TRPS1: variants seen among roughly 807,000 people sequenced by gnomAD.
TRPS1 encodes transcriptional repressor GATA binding 1.
TRPS1 carries 6 observed loss-of-function variants against 101.2 expected under a neutral mutation model. The observed-to-expected ratio is 0.06, with a 90% confidence interval of 0.03 to 0.12. The LOEUF is 0.12. Among genes scored for constraint, TRPS1 ranks in the 10% least tolerant of loss-of-function variants. The pLI is 1.00. For synonymous variants in TRPS1, 578 were observed against 589.8 expected (o/e 0.98, Z 0.29); for missense variants, 1,363 against 1,567.0 (o/e 0.87, Z 2.20).
At chr8:115,493,633 G>A (rs1815082352) in intron 5 of TRPS1, among the ~76,000 whole-genome samples, 1 of 152,116 alleles carries the variant, frequency 6.6e-6, no homozygotes, top group African/African-American at 2.4e-5. Context: ...ACAGACGTGA[G>A]CCACCACGCC....
chr8:115,415,634 T>C (rs1326062080), intron 6 of TRPS1, among the ~76,000 whole-genome samples: 5 of 152,110 alleles, frequency 3.3e-5, no homozygotes, highest in African/African-American at 1.2e-4. Context: ...GGTGGGGCCC[T>C]AATCCAATGG....
At chr8:115,545,701 T>C (rs1192333793) in intron 5 of TRPS1, among the ~76,000 whole-genome samples, 1 of 152,138 alleles carries the variant, frequency 6.6e-6, no homozygotes, top group East Asian at 1.9e-4. Flanking sequence ...AAGATCCAAT[T>C]CAGATTTATG....
rs146130944 is a variant in TRPS1, at chr8:115,658,569, T to G, written c.-122+9976A>C. On this transcript the variant is annotated intron_variant, in intron 1 of 6. Transcript: ENST00000395715. ...GCTAATACTACTATCTACCCCCAGT[T>G]CTCCAGCTCTAATCATTATTACTCT... Among the ~76,000 whole-genome samples the G allele has an allele frequency of 1.8e-3, 271 of 152,208 alleles. 2 individuals are homozygous for G. The highest frequency in any genetic ancestry group is 6.3e-3 in the African/African-American group (261 of 41,560).
intron 5 of TRPS1, among the ~76,000 whole-genome samples, chr8:115,485,011 A>G (rs918289289): frequency 6.6e-6 from 1 of 152,206 alleles, no homozygotes; most frequent in Non-Finnish European, 1.5e-5. Context: ...TTATTCAATA[A>G]CACTGATCTA....
intron 5 of TRPS1, among the ~76,000 whole-genome samples, chr8:115,493,907 G>T (rs800881): frequency 0.31 from 47,807 of 151,942 alleles, 9,139 homozygotes; most frequent in Non-Finnish European, 0.45. Context: ...TATTTTACTG[G>T]AAAGAAAACA....
chr8:115,418,566 A>G lies in TRPS1; in HGVS notation c.2701-114T>C. On this transcript the variant is annotated intron_variant, in intron 5 of 6. Transcript: ENST00000395715. The surrounding 1 kb of genome is among the most constrained non-coding windows in gnomAD (Gnocchi z 4.3). ...CTAGCAACAATGACAGTATAAAACCACACTGCCCATAATGAGGTCAGGTTC... is the reference window on the plus strand; with the variant it reads ...CTAGCAACAATGACAGTATAAAACCGCACTGCCCATAATGAGGTCAGGTTC... 1 of 1,421,942 alleles carries G rather than the reference A, an allele frequency of 7.0e-7. No homozygotes were observed. Among genetic ancestry groups the G allele is most frequent in the East Asian group, 2.3e-5 (1 of 43,480 alleles). 88.1% of individuals were successfully genotyped at this position (1,421,942 alleles called of 1,614,324 possible).
At chr8:115,654,787 C>CT in intron 1 of TRPS1, among the ~76,000 whole-genome samples, 1 of 152,096 alleles carries the variant, frequency 6.6e-6, no homozygotes, top group Non-Finnish European at 1.5e-5. Context: ...CACAGTAATT[C>CT]TTTAACTTTC....
At chr8:115,542,620 C>T (rs1365137062) in intron 5 of TRPS1, among the ~76,000 whole-genome samples, 1 of 152,072 alleles carries the variant, frequency 6.6e-6, no homozygotes, top group Non-Finnish European at 1.5e-5. Flanking sequence ...GCGCCGGCCA[C>T]TCCCAAGTTT....
intron 1 of TRPS1, among the ~76,000 whole-genome samples, chr8:115,629,239 A>G (rs1243445845): frequency 6.6e-6 from 1 of 151,878 alleles, no homozygotes; most frequent in Non-Finnish European, 1.5e-5. Context: ...GGCTGTTTTG[A>G]AGGATTTGTT....
At chr8:115,540,964 T>G (rs1454816942) in intron 5 of TRPS1, among the ~76,000 whole-genome samples, 1 of 152,170 alleles carries the variant, frequency 6.6e-6, no homozygotes, top group African/African-American at 2.4e-5. Flanking sequence ...TTATTAAATC[T>G]TTCTTTCTGA....
chr8:115,647,017 A>T (rs556432698), intron 1 of TRPS1, among the ~76,000 whole-genome samples: 1 of 152,188 alleles, frequency 6.6e-6, no homozygotes, highest in African/African-American at 2.4e-5. Context: ...TTGTTTATTT[A>T]TTTTAAAATT....
chr8:115,576,571 G>A (rs1338032105), intron 5 of TRPS1, among the ~76,000 whole-genome samples: 2 of 152,078 alleles, frequency 1.3e-5, no homozygotes, highest in Non-Finnish European at 2.9e-5. Context: ...TAGTCACAAA[G>A]TGAATCTAGA....
intron 1 of TRPS1, among the ~76,000 whole-genome samples, chr8:115,644,035 C>T (rs1818960525): frequency 6.6e-6 from 1 of 152,196 alleles, no homozygotes; most frequent in South Asian, 2.1e-4. Flanking sequence ...TGCACTTCAA[C>T]TATTCAGTAA....
At chr8:115,636,861 G>C (rs182805048) in intron 1 of TRPS1, among the ~76,000 whole-genome samples, 3 of 151,868 alleles carry the variant, frequency 2.0e-5, no homozygotes, top group East Asian at 3.9e-4. Context: ...ACAGTGAGCC[G>C]AGACAGCACC....
Position 115,485,442 on chromosome 8 carries a change from A to G in TRPS1, c.2701-66990T>C, listed in dbSNP as rs1054413794. Among the ~76,000 whole-genome samples the G allele has an allele frequency of 2.0e-5, 3 of 152,332 alleles. No homozygotes were observed. In the South Asian group the frequency reaches 6.2e-4, roughly 32 times the overall value. On this transcript the variant is annotated intron_variant, in intron 5 of 6. Coordinates refer to ENST00000395715, the MANE Select transcript of TRPS1 (RefSeq NM_014112.5). Reference sequence around the variant, plus strand: ...GCTGTGCCCAGTCTCCTGCCCTACAAAAAACTGTGAGATAATTAATTTGCA... The same window carrying G: ...GCTGTGCCCAGTCTCCTGCCCTACAGAAAACTGTGAGATAATTAATTTGCA...
At chr8:115,576,231 T>C (rs1032925546) in intron 5 of TRPS1, among the ~76,000 whole-genome samples, 6 of 152,032 alleles carry the variant, frequency 3.9e-5, no homozygotes, top group Admixed American at 3.9e-4. Context: ...TTATAACTTA[T>C]GGATTCTCAG....
At chr8:115,469,270 T>G (rs1275924105) in intron 5 of TRPS1, among the ~76,000 whole-genome samples, 1 of 152,230 alleles carries the variant, frequency 6.6e-6, no homozygotes, top group Non-Finnish European at 1.5e-5. Flanking sequence ...CTCCTTGATC[T>G]GCAATATGTT....
Position 115,471,412 on chromosome 8 carries a change from C to A in TRPS1, c.2701-52960G>T, listed in dbSNP as rs200802536. Among the ~76,000 whole-genome samples, 44 of 152,308 alleles carry A rather than the reference C, an allele frequency of 2.9e-4. No individual in the cohort carries two copies. The East Asian group carries it at 6.4e-3, about 22-fold the overall frequency. On this transcript the variant is annotated intron_variant, in intron 5 of 6. Coordinates refer to ENST00000395715, the MANE Select transcript of TRPS1 (RefSeq NM_014112.5). The stretch of plus-strand genomic sequence containing the variant: ...TCACTTACTATCATGAGAACAGCAG[C>A]ATTGGGGTAACCGCCCCCATGATTC...
intron 5 of TRPS1, among the ~76,000 whole-genome samples, chr8:115,559,891 T>C (rs1816908077): frequency 6.6e-6 from 1 of 152,102 alleles, no homozygotes; most frequent in African/African-American, 2.4e-5. Flanking sequence ...TTTAAGTCTT[T>C]TTATACAATT....
Sources: allele counts gnomAD v4.1 joint callset (sites outside exome capture counted in the v4.1 genomes callset), GRCh38; gene constraint gnomAD v4.1.1; non-coding constraint Gnocchi (gnomAD v3.1); transcripts MANE v1.5; gene names NCBI Gene and HGNC (gene_info 2026-07-23, HGNC 2026-07-21).